Variants in SYNE3 observed in about 807,000 individuals in gnomAD.
SYNE3 encodes the protein nesprin-3.
Under a neutral mutation model 111.2 loss-of-function variants are expected in SYNE3, and 100 were observed. The ratio of observed to expected loss-of-function variants is 0.90; its 90% confidence interval spans 0.77 to 1.06. SYNE3 has a LOEUF of 1.06. Ranked by LOEUF, SYNE3 falls within the 50% of genes least tolerant of loss-of-function variation. The probability of loss-of-function intolerance (pLI) is 0.00; values close to 1 mark genes in which losing one functional copy is unlikely to be tolerated. For synonymous variants in SYNE3, 547 were observed against 533.9 expected, an observed-to-expected ratio of 1.02 and a Z score of -0.34; for missense variants, 1,160 against 1,240.3, an observed-to-expected ratio of 0.94 and a Z score of 0.97.
At chr14:95,486,762 G>A (rs1261840260) in intron 1 of SYNE3, among the ~76,000 whole-genome samples, 1 of 152,094 alleles carries the variant, frequency 6.6e-6, no homozygotes, top group Non-Finnish European at 1.5e-5. Context: ...CCATTGAAAA[G>A]GACTGTGCCA....
intron 1 of SYNE3, among the ~76,000 whole-genome samples, chr14:95,506,077 T>TA (rs937382713): frequency 6.6e-5 from 10 of 151,948 alleles, no homozygotes; most frequent in African/African-American, 2.4e-4. Context: ...TAAAAAAATT[T>TA]AAAAAAAATG....
intron 2 of SYNE3, among the ~76,000 whole-genome samples, chr14:95,473,685 G>T (rs1403634288): frequency 6.8e-6 from 1 of 148,070 alleles, no homozygotes; most frequent in East Asian, 2.0e-4. Flanking sequence ...AGTGGCTGGA[G>T]CTAAGGCTGG....
chr14:95,448,409 T>C (rs1451880083), intron 8 of SYNE3, among the ~76,000 whole-genome samples: 1 of 151,950 alleles, frequency 6.6e-6, no homozygotes, highest in Admixed American at 6.6e-5. Context: ...TTAAGAGAGG[T>C]CTGGTGCAGT....
At position 95,465,923 on chromosome 14, in the gene SYNE3, A is replaced by C. The variant is rs200061337; in HGVS notation, c.627+8T>G. 38 of 1,563,392 alleles carry C rather than the reference A, an allele frequency of 2.4e-5. No individual in the cohort carries two copies. Among genetic ancestry groups the C allele is most frequent in the Non-Finnish European group, 3.1e-5 (35 of 1,145,364 alleles). ...GTGAGGATGTAGCCCACTCAGCCTC[A>C]CCCTCACCTGGGCCTTGGCCTTCAC... On this transcript the variant is annotated splice_region_variant and intron_variant, in intron 4 of 17. Transcript: ENST00000682763.
At chr14:95,498,024 A>T (rs76265862) in intron 1 of SYNE3, among the ~76,000 whole-genome samples, 12,267 of 148,144 alleles carry the variant, frequency 0.083, 572 homozygotes, top group African/African-American at 0.096. Flanking sequence ...CAAGATCCCA[A>T]CTCTTAAAAA....
At chr14:95,489,163 C>A (rs1362326468) in intron 1 of SYNE3, among the ~76,000 whole-genome samples, 3 of 152,200 alleles carry the variant, frequency 2.0e-5, no homozygotes, top group African/African-American at 7.2e-5. Flanking sequence ...AGGACAGAAC[C>A]AAGCACCATG....
chr14:95,445,077 T>C (rs1886634248), intron 9 of SYNE3, among the ~76,000 whole-genome samples: 1 of 152,244 alleles, frequency 6.6e-6, no homozygotes. Context: ...AGCACTTTGA[T>C]GTCTTCTAGT....
chr14:95,475,976 T>C, intron 1 of SYNE3, 141 bp from the exon 2 acceptor site: 1 of 770,164 alleles, frequency 1.3e-6, no homozygotes, highest in East Asian at 3.3e-5. Context: ...TGGCCAGAGG[T>C]GAGCACGTTT....
chr14:95,409,567 C>T lies in SYNE3; in HGVS notation c.*8259G>A, dbSNP rs563868033. 151 of 372,712 alleles carry T rather than the reference C, an allele frequency of 4.1e-4. No homozygotes were observed. The highest frequency in any genetic ancestry group is 7.4e-4 in the Non-Finnish European group (141 of 189,646). 23.1% of individuals were successfully genotyped at this position (372,712 alleles called of 1,614,324 possible). A position where few individuals can be genotyped will look rare whatever the true frequency, so the allele number is the denominator to read the frequency against. ...TTGGGGATGATGTTACCATGACAAC[C>T]GGAGAGCAGGTGCTGGGAGATGCTG... is the stretch of plus-strand genomic sequence containing the variant. On this transcript the variant is annotated 3_prime_UTR_variant, in exon 18 of 18. Coordinates refer to ENST00000682763, the MANE Select transcript of SYNE3 (RefSeq NM_152592.6).
chr14:95,509,845 C>G (rs1395625695), intron 1 of SYNE3, among the ~76,000 whole-genome samples: 1 of 152,200 alleles, frequency 6.6e-6, no homozygotes, highest in Non-Finnish European at 1.5e-5. Context: ...AAGCAACCAG[C>G]CCGAGTTGCG....
intron 15 of SYNE3, among the ~76,000 whole-genome samples, chr14:95,434,435 G>A (rs1424657919): frequency 6.6e-6 from 1 of 152,042 alleles, no homozygotes; most frequent in African/African-American, 2.4e-5. Flanking sequence ...ATTCTGATAG[G>A]GTTCATTCAC....
intron 7 of SYNE3, chr14:95,451,137 A>G (rs1013101084): frequency 6.6e-6 from 1 of 152,190 alleles, no homozygotes; most frequent in Non-Finnish European, 1.5e-5. Context: ...ACAGCACCTC[A>G]CATGAAGCTG....
rs758419026 is a variant in SYNE3, at chr14:95,439,034, C to T, written c.2375G>A (p.Arg792His). The T allele has an allele frequency of 1.1e-4, 183 of 1,614,050 alleles. No individual in the cohort carries two copies. Among genetic ancestry groups the T allele is most frequent in the South Asian group, 4.6e-4 (42 of 91,078 alleles). Reference sequence around the variant, plus strand: ...CACAGCCCTGCTAGACAGACTCACGCGTCGACGATGCCTGGGAATAGGATC... The same window carrying T: ...CACAGCCCTGCTAGACAGACTCACGTGTCGACGATGCCTGGGAATAGGATC... ...PMDPIPRHRR[R>H]ANLLQEEEGS... is the part of the protein sequence containing the mutation. Residue 792 changes from arginine to histidine, a missense_variant and splice_region_variant, in exon 14 of 18, where the codon CGC (arginine) becomes CAC (histidine). Arg to His is a conservative substitution (Grantham distance 29). Transcript: ENST00000682763.
intron 9 of SYNE3, among the ~76,000 whole-genome samples, chr14:95,445,697 T>C (rs1286919701): frequency 1.3e-5 from 2 of 152,172 alleles, no homozygotes; most frequent in African/African-American, 2.4e-5. Flanking sequence ...AGACAGGTGG[T>C]GGCTAGGAAA....
At chr14:95,444,141 T>C (rs2139404334) in intron 10 of SYNE3, 1 of 337,346 alleles carries the variant, frequency 3.0e-6, no homozygotes, top group African/African-American at 2.1e-5. Context: ...AGAACATTTA[T>C]TCTTAATCCC....
chr14:95,437,172 C>T (rs1464437935), intron 14 of SYNE3, among the ~76,000 whole-genome samples, 191 bp from the exon 15 acceptor site: 2 of 152,220 alleles, frequency 1.3e-5, no homozygotes, highest in African/African-American at 4.8e-5. Context: ...GAACATTCCT[C>T]ACTGTCCCCT....
intron 6 of SYNE3, among the ~76,000 whole-genome samples, chr14:95,453,060 G>C (rs941157557): frequency 1.3e-5 from 2 of 152,142 alleles, no homozygotes; most frequent in Non-Finnish European, 1.5e-5. Context: ...TGCTCAGTAG[G>C]AGGCAGGGTG....
At chr14:95,462,113 C>T (rs1887866470) in intron 4 of SYNE3, among the ~76,000 whole-genome samples, 1 of 152,188 alleles carries the variant, frequency 6.6e-6, no homozygotes, top group Non-Finnish European at 1.5e-5. Context: ...AAGCTCCATC[C>T]ATAGAATCTG....
chr14:95,497,761 G>A (rs1422582275), intron 1 of SYNE3, among the ~76,000 whole-genome samples: 1 of 126,766 alleles, frequency 7.9e-6, no homozygotes, highest in African/African-American at 3.0e-5. Flanking sequence ...GCATGACTGC[G>A]TTCCAACAAA....
Sources: allele counts gnomAD v4.1 joint callset (sites outside exome capture counted in the v4.1 genomes callset), GRCh38; gene constraint gnomAD v4.1.1; transcripts MANE v1.5; gene names NCBI Gene and HGNC (gene_info 2026-07-23, HGNC 2026-07-21).